Variants in SAMD7 observed in about 807,000 individuals in gnomAD.
The protein encoded by SAMD7 is sterile alpha motif domain-containing protein 7.
In SAMD7, 34 loss-of-function variants were observed where a neutral mutation model predicts 36.7. The ratio of observed to expected loss-of-function variants is 0.93; its 90% confidence interval spans 0.71 to 1.23. The LOEUF is 1.23. Ranked by LOEUF, SAMD7 falls within the 50% of genes most tolerant of loss-of-function variation. SAMD7 has a pLI of 0.00. For synonymous variants in SAMD7, 188 were observed against 189.7 expected, an observed-to-expected ratio of 0.99 and a Z score of 0.07; for missense variants, 570 against 546.6, an observed-to-expected ratio of 1.04 and a Z score of -0.43.
At chr3:169,918,083 A>G (rs1232614611) in intron 2 of SAMD7, among the ~76,000 whole-genome samples, 2 of 151,970 alleles carry the variant, frequency 1.3e-5, no homozygotes, top group East Asian at 3.9e-4. Context: ...GATTACAGGC[A>G]CGCGCCACCA....
At position 169,927,148 on chromosome 3, in the gene SAMD7, G is replaced by T; in HGVS notation, c.886G>T (p.Val296Phe). Residue 296 changes from valine to phenylalanine, a missense_variant, in exon 6 of 9, where the codon GTT becomes TTT. Val to Phe is a conservative substitution (Grantham distance 50). Transcript: ENST00000335556. The stretch of plus-strand genomic sequence containing the variant: ...TGCAACCTGTGATGAAAAGAATGGG[G>T]TTTGCCCTCCAGTTCCTCGACCATC... ...IFATCDEKNG[V>F]CPPVPRPSLP... 4 of 1,548,584 alleles carry T rather than the reference G, an allele frequency of 2.6e-6. No individual in the cohort carries two copies. Among genetic ancestry groups the T allele is most frequent in the Non-Finnish European group, 3.5e-6 (4 of 1,153,712 alleles).
chr3:169,914,500 A>C (rs905382051), intron 1 of SAMD7, among the ~76,000 whole-genome samples: 9 of 152,354 alleles, frequency 5.9e-5, no homozygotes, highest in Admixed American at 5.9e-4. Context: ...CGTCCTGCCC[A>C]GGGACTTCCA....
intron 4 of SAMD7, 31 bp from the exon 5 acceptor site, chr3:169,925,027 G>A (rs1171991172): frequency 1.6e-6 from 2 of 1,286,982 alleles, no homozygotes; most frequent in Non-Finnish European, 2.2e-6. Flanking sequence ...TAATTTATTT[G>A]TGGGGTGGGA....
chr3:169,920,403 G>C (rs763955160), intron 3 of SAMD7, among the ~76,000 whole-genome samples: 2 of 152,092 alleles, frequency 1.3e-5, no homozygotes, highest in Non-Finnish European at 2.9e-5. Context: ...GGTATCTCTT[G>C]TTCTTAAAAG....
At chr3:169,921,091 T>C in intron 3 of SAMD7, 123 bp from the exon 4 acceptor site, 4 of 870,136 alleles carry the variant, frequency 4.6e-6, no homozygotes, top group Non-Finnish European at 5.4e-6. Flanking sequence ...ACTTTTGTAT[T>C]TCATCTTGAG....
chr3:169,937,504 C>T (rs111511539), intron 8 of SAMD7, among the ~76,000 whole-genome samples: 18,668 of 151,486 alleles, frequency 0.12, 1,333 homozygotes, highest in South Asian at 0.17. Flanking sequence ...TGAGAACATG[C>T]GGTGTTTGGT....
intron 7 of SAMD7, among the ~76,000 whole-genome samples, chr3:169,935,662 A>C (rs1170584147): frequency 6.6e-6 from 1 of 152,232 alleles, no homozygotes; most frequent in Non-Finnish European, 1.5e-5. Flanking sequence ...AAGGATTTCC[A>C]GGCAAGTTGA....
chr3:169,933,015 T>A, intron 7 of SAMD7: 3 of 765,458 alleles, frequency 3.9e-6, no homozygotes, highest in South Asian at 2.7e-5. Flanking sequence ...CACTCAGGTG[T>A]CTACCTGGAA....
chr3:169,924,976 C>A, intron 4 of SAMD7, 82 bp from the exon 5 acceptor site: 23 of 801,640 alleles, frequency 2.9e-5, no homozygotes, highest in Non-Finnish European at 4.2e-5. Context: ...TACTGTTTTA[C>A]ATTGTTATAG....
At position 169,919,447 on chromosome 3, in the gene SAMD7, G is replaced by A. The variant is rs766472607; in HGVS notation, c.-41-11G>A. On this transcript the variant is annotated splice_polypyrimidine_tract_variant and intron_variant, in intron 2 of 8. Transcript: ENST00000335556. ...AGTTATTTGTTAAAGTGTCTATCTG[G>A]TTCTTTTTAGAACTCCATTAGTGGC... The A allele has an allele frequency of 1.5e-6, 2 of 1,359,534 alleles. No homozygotes were observed. The highest frequency in any genetic ancestry group is 2.1e-6 in the Non-Finnish European group (2 of 947,848). 84.2% of individuals were successfully genotyped at this position (1,359,534 alleles called of 1,614,324 possible). A position where few individuals can be genotyped will look rare whatever the true frequency, so the allele number is the denominator to read the frequency against.
intron 5 of SAMD7, 119 bp from the exon 6 acceptor site, chr3:169,926,434 C>T (rs1293344908): frequency 8.2e-7 from 1 of 1,220,416 alleles, no homozygotes; most frequent in Non-Finnish European, 1.1e-6. Flanking sequence ...ATTCATGTTT[C>T]CACCAAACAA....
rs752219811 is a variant in SAMD7 at position 169,926,645 on chromosome 3, A to G, written c.383A>G (p.Tyr128Cys). 30 of 1,613,814 alleles carry G rather than the reference A, an allele frequency of 1.9e-5. No homozygotes were observed. The highest frequency in any genetic ancestry group is 1.6e-4 in the Middle Eastern group (1 of 6,084). ...GLAGLGIPFL[Y>C]GSSVPAAPAA... ...GCAGGCCTAGGGATACCCTTCCTCT[A>G]TGGCTCCAGTGTCCCAGCTGCCCCC... is the stretch of plus-strand genomic sequence containing the variant. The change falls in exon 6 of 9, where the codon TAT becomes TGT. Residue 128 changes from tyrosine (Y) to cysteine (C), a missense_variant. Tyr to Cys is a radical substitution (Grantham distance 194). Coordinates refer to ENST00000335556, the MANE Select transcript of SAMD7 (RefSeq NM_001304366.2).
chr3:169,919,942 AG>A (rs1712977573), intron 3 of SAMD7, among the ~76,000 whole-genome samples: 2 of 152,250 alleles, frequency 1.3e-5, no homozygotes, highest in African/African-American at 4.8e-5. Context: ...TGGGAGGCCA[AG>A]GTGGGCAGAT....
At chr3:169,924,763 G>A (rs1186377981) in intron 4 of SAMD7, among the ~76,000 whole-genome samples, 2 of 152,070 alleles carry the variant, frequency 1.3e-5, no homozygotes, top group East Asian at 1.9e-4. Flanking sequence ...CACAGATCAC[G>A]AGATTCACAA....
intron 7 of SAMD7, chr3:169,933,169 A>C (rs1436652800): frequency 1.4e-6 from 1 of 731,258 alleles, no homozygotes; most frequent in African/African-American, 1.7e-5. Context: ...ACCGTGGAGC[A>C]GTGCACTGAC....
chr3:169,934,552 A>G (rs947818110), intron 7 of SAMD7, among the ~76,000 whole-genome samples: 2 of 152,182 alleles, frequency 1.3e-5, no homozygotes, highest in South Asian at 2.1e-4. Context: ...TGCCCACACC[A>G]TCCCTCTGCC....
rs375287296 is a variant in SAMD7, at chr3:169,926,685, C to T, written c.423C>T (p.Gly141=). 6 of 1,614,038 alleles carry T rather than the reference C, an allele frequency of 3.7e-6. No homozygotes were observed. The highest frequency in any genetic ancestry group is 1.3e-5 in the African/African-American group (1 of 74,994). The change falls in exon 6 of 9, where the codon GGC becomes GGT. Residue 141 remains glycine, a synonymous_variant. Transcript: ENST00000335556. ...CAGCTGCCCCCGCTGCCTACCATGG[C>T]AGGAGCATGCTCCCTGCCGGTGACC... ...SVPAAPAAYH[G]RSMLPAGDLH... is the part of the protein sequence containing the mutation.
Position 169,938,750 on chromosome 3 carries a change from C to T in SAMD7, c.*244C>T, listed in dbSNP as rs3815646. On this transcript the variant is annotated 3_prime_UTR_variant, in exon 9 of 9. Coordinates refer to ENST00000335556, the MANE Select transcript of SAMD7 (RefSeq NM_001304366.2). The stretch of plus-strand genomic sequence containing the variant: ...TAATGAAGGGGAGATTTACAAACAT[C>T]AAGAAAGCTGCAGATGGATGTTTCC... The T allele has an allele frequency of 0.011, 3,822 of 357,006 alleles. 205 individuals carry two copies. The East Asian group carries it at 0.11, about 10-fold the overall frequency. The allele number at this position is 357,006 out of a possible 1,614,324, so 22.1% of individuals were successfully genotyped here. A position where few individuals can be genotyped will look rare whatever the true frequency, so the allele number is the denominator to read the frequency against.
Position 169,938,683 on chromosome 3 carries a change from C to A in SAMD7, c.*177C>A. ...GCTTCCCTGCCAGGGCTGAATGACC[C>A]CAGCACCAAATGACTGGAGACGCAT... On this transcript the variant is annotated 3_prime_UTR_variant, in exon 9 of 9. Transcript: ENST00000335556. The A allele has an allele frequency of 2.1e-6, 1 of 474,530 alleles. No homozygotes were observed. Among genetic ancestry groups the A allele is most frequent in the East Asian group, 3.3e-5 (1 of 30,598 alleles). 29.4% of individuals were successfully genotyped at this position (474,530 alleles called of 1,614,324 possible).
Sources: allele counts gnomAD v4.1 joint callset (sites outside exome capture counted in the v4.1 genomes callset), GRCh38; gene constraint gnomAD v4.1.1; transcripts MANE v1.5; gene names NCBI Gene and HGNC (gene_info 2026-07-23, HGNC 2026-07-21).